CHIC2: variants seen among roughly 807,000 people sequenced by gnomAD.
CHIC2 encodes the protein cysteine rich hydrophobic domain 2.
CHIC2 carries 14 observed loss-of-function variants against 25.9 expected under a neutral mutation model. The observed-to-expected ratio is 0.54, with a 90% CI of 0.36 to 0.85. CHIC2 has a LOEUF of 0.85. CHIC2 is among the 40% of genes least tolerant of loss of function. CHIC2 has a pLI of 0.01. For synonymous variants in CHIC2, 70 were observed against 72.0 expected (o/e 0.97, Z 0.14); for missense variants, 146 against 202.0 (o/e 0.72, Z 1.68).
chr4:54,027,255 C>T (rs967198871), intron 3 of CHIC2, among the ~76,000 whole-genome samples: 1 of 152,144 alleles, frequency 6.6e-6, no homozygotes, highest in Non-Finnish European at 1.5e-5. Flanking sequence ...TAAATATTTA[C>T]AGAGAAATGA....
chr4:54,051,589 C>T (rs371466811), intron 1 of CHIC2, among the ~76,000 whole-genome samples: 1 of 152,166 alleles, frequency 6.6e-6, no homozygotes, highest in African/African-American at 2.4e-5. Flanking sequence ...ATATAAACTG[C>T]TTTACCTTCC....
intron 5 of CHIC2, among the ~76,000 whole-genome samples, chr4:54,010,974 C>T (rs1341862639): frequency 6.6e-6 from 1 of 152,086 alleles, no homozygotes; most frequent in Non-Finnish European, 1.5e-5. Context: ...AATATGGTAA[C>T]ACAGAATTAC....
chr4:54,049,372 T>C, intron 1 of CHIC2, 67 bp from the exon 2 acceptor site: 1 of 1,019,772 alleles, frequency 9.8e-7, no homozygotes, highest in East Asian at 2.5e-5. Flanking sequence ...GACCATTTAA[T>C]TTAAAGGTCA....
upstream of CHIC2, among the ~76,000 whole-genome samples, chr4:54,068,000 G>A (rs1410306795): frequency 6.6e-6 from 1 of 151,686 alleles, no homozygotes; most frequent in Non-Finnish European, 1.5e-5. Context: ...AGGTAATTAG[G>A]TTGAGATGAG....
chr4:54,088,203 A>G, the CHIC2 span, among the ~76,000 whole-genome samples: 1 of 152,088 alleles, frequency 6.6e-6, no homozygotes, highest in African/African-American at 2.4e-5. Flanking sequence ...TTTTTTAATG[A>G]TGCTTGAAGT....
intron 1 of CHIC2, among the ~76,000 whole-genome samples, chr4:54,061,570 A>G (rs1489059691): frequency 6.6e-6 from 1 of 152,126 alleles, no homozygotes; most frequent in Admixed American, 6.5e-5. Flanking sequence ...TCTTACTACA[A>G]CTGTTCTAAT....
chr4:54,029,677 A>G (rs748552678), intron 3 of CHIC2, among the ~76,000 whole-genome samples: 20 of 152,188 alleles, frequency 1.3e-4, no homozygotes, highest in Non-Finnish European at 2.6e-4. Context: ...TTCTTCATCT[A>G]AATGTTTCTT....
At chr4:54,058,592 AC>A in intron 1 of CHIC2, among the ~76,000 whole-genome samples, 2 of 151,486 alleles carry the variant, frequency 1.3e-5, no homozygotes, top group East Asian at 1.9e-4. Context: ...ACACACACAC[AC>A]ACAATCTTAC....
rs1013486006 is a variant in CHIC2, at chr4:54,064,437, G to A, written c.-137C>T. ...GAGGCCGCGGAGTTCGCTGTCGGCTGTCTCGGCTCCGGCTACAGAGGGGAT... is the reference window on the plus strand; with the variant it reads ...GAGGCCGCGGAGTTCGCTGTCGGCTATCTCGGCTCCGGCTACAGAGGGGAT... On this transcript the variant is annotated 5_prime_UTR_variant, in exon 1 of 6. Coordinates refer to ENST00000263921, the MANE Select transcript of CHIC2 (RefSeq NM_012110.4). This position sits in a 1 kb window ranked among gnomAD's most constrained non-coding sequence, Gnocchi z 4.2. 38 of 1,509,942 alleles carry A rather than the reference G, an allele frequency of 2.5e-5. No individual in the cohort carries two copies. The African/African-American group carries it at 4.8e-4, about 19-fold the overall frequency. 93.5% of individuals were successfully genotyped at this position (1,509,942 alleles called of 1,614,324 possible).
intron 1 of CHIC2, among the ~76,000 whole-genome samples, chr4:54,063,203 G>A (rs910592589): frequency 1.3e-5 from 2 of 152,152 alleles, no homozygotes; most frequent in African/African-American, 4.8e-5. Context: ...AGACTTGCTG[G>A]CTCTTTTGTT....
the CHIC2 span, among the ~76,000 whole-genome samples, chr4:54,088,603 G>A: frequency 5.0e-3 from 766 of 152,286 alleles, 5 homozygotes; most frequent in African/African-American, 0.017. Flanking sequence ...TAGGCCAGTG[G>A]TTGGAGTGGT....
At chr4:54,090,706 TATTATTTC>T in the CHIC2 span, among the ~76,000 whole-genome samples, 1 of 152,242 alleles carries the variant, frequency 6.6e-6, no homozygotes, top group South Asian at 2.1e-4. Context: ...AGAGGGTCAT[TATTATTTC>T]CATGGTCAGA....
the CHIC2 span, among the ~76,000 whole-genome samples, chr4:54,071,579 AT>A: frequency 6.6e-6 from 1 of 152,270 alleles, no homozygotes; most frequent in African/African-American, 2.4e-5. Flanking sequence ...TCTTACCACT[AT>A]GCTACACTGG....
intron 3 of CHIC2, among the ~76,000 whole-genome samples, chr4:54,015,935 A>G (rs1715725965): frequency 2.0e-5 from 3 of 152,222 alleles, no homozygotes; most frequent in Non-Finnish European, 2.9e-5. Context: ...TACTCTATCA[A>G]TGGTGAAAAA....
chr4:54,023,344 G>C (rs1026781900), intron 3 of CHIC2, among the ~76,000 whole-genome samples: 3 of 152,054 alleles, frequency 2.0e-5, no homozygotes, highest in Non-Finnish European at 2.9e-5. Context: ...CACAAACTAT[G>C]CTCAACTCAC....
the CHIC2 span, among the ~76,000 whole-genome samples, chr4:54,072,668 C>T: frequency 6.6e-6 from 1 of 152,202 alleles, no homozygotes; most frequent in East Asian, 1.9e-4. Context: ...TTGACTATTG[C>T]CTGGAATCCA....
intron 1 of CHIC2, among the ~76,000 whole-genome samples, chr4:54,053,993 G>A (rs1717090486): frequency 1.3e-5 from 2 of 152,274 alleles, no homozygotes; most frequent in Admixed American, 1.3e-4. Flanking sequence ...GTTTCACCAT[G>A]TTGGCCAGGC....
chr4:54,023,625 T>C (rs969940287), intron 3 of CHIC2, among the ~76,000 whole-genome samples: 2 of 152,168 alleles, frequency 1.3e-5, no homozygotes, highest in African/African-American at 4.8e-5. Context: ...CTCAGTTTAT[T>C]GATGGCAGTT....
At chr4:54,064,681 G>A, upstream of CHIC2, 8 of 1,023,278 alleles carry the variant, frequency 7.8e-6, no homozygotes, top group Non-Finnish European at 9.4e-6. This position sits in a 1 kb window ranked among gnomAD's most constrained non-coding sequence, Gnocchi z 4.2. Flanking sequence ...CAACGGGCGG[G>A]CGGGCGCGTG....
Sources: gnomAD v4.1 joint callset for allele counts (sites outside exome capture counted in the v4.1 genomes callset) on GRCh38, gnomAD v4.1.1 for gene constraint, Gnocchi (gnomAD v3.1) non-coding constraint, MANE v1.5 for transcripts, NCBI Gene and HGNC (gene_info 2026-07-23, HGNC 2026-07-21) for gene names.